The following KCNG3 variants were observed in gnomAD, a reference collection of about 807,000 sequenced individuals.
KCNG3 encodes voltage-gated potassium channel regulatory subunit KCNG3.
Under a neutral mutation model 29.0 loss-of-function variants are expected in KCNG3, and 15 were observed. The ratio of observed to expected loss-of-function variants is 0.52; its 90% CI spans 0.35 to 0.80. KCNG3 has a LOEUF of 0.80. Ranked by LOEUF, KCNG3 falls within the 30% of genes least tolerant of loss-of-function variation. The probability of loss-of-function intolerance (pLI) is 0.01; values close to 1 mark genes in which losing one functional copy is unlikely to be tolerated. For missense variants in KCNG3, 512 were observed against 605.7 expected (o/e 0.85, Z 1.62); for synonymous variants, 322 against 248.9 (o/e 1.29, Z -2.76).
chr2:42,444,897 AC>A lies in KCNG3; in HGVS notation c.666-319del, dbSNP rs554105331. 2.6e-5 allele frequency among the ~76,000 whole-genome samples: 1 copy of A among 38,018 alleles called. No individual in the cohort carries two copies. Among genetic ancestry groups the A allele is most frequent in the African/African-American group, 8.7e-5 (1 of 11,556 alleles). The allele number at this position is 38,018 out of a possible 152,430, so 24.9% of individuals were successfully genotyped here. A position where few individuals can be genotyped will look rare whatever the true frequency, so the allele number is the denominator to read the frequency against. ...GGCACCACAGCAAAACCCCGTCTCCACAAAAAAAAAATACAAAAATCAGCTG... is the reference window on the plus strand; with the variant it reads ...GGCACCACAGCAAAACCCCGTCTCCAAAAAAAAAAATACAAAAATCAGCTG... On this transcript the variant is annotated intron_variant, in intron 1 of 1. Coordinates refer to ENST00000306078, the MANE Select transcript of KCNG3 (RefSeq NM_133329.6). The surrounding 1 kb of genome is among the most constrained non-coding windows in gnomAD (Gnocchi z 5.8).
In KCNG3 at chr2:42,471,537, G is replaced by C. The variant is rs148608968; in HGVS notation, c.665+21300C>G. On this transcript the variant is annotated intron_variant, in intron 1 of 1. Coordinates refer to ENST00000306078, the MANE Select transcript of KCNG3 (RefSeq NM_133329.6). ...TACCTAACAAGTAGGTTTCTTTTTG[G>C]GGTGATGAAAATGTTCTGGAATAGT... 1.3e-4 allele frequency among the ~76,000 whole-genome samples: 20 copies of C among 152,110 alleles called. No homozygotes were observed. The East Asian group carries it at 3.5e-3, about 26-fold the overall frequency.
At chr2:42,465,890 T>A (rs72976290) in intron 1 of KCNG3, among the ~76,000 whole-genome samples, 3,510 of 152,244 alleles carry the variant, frequency 0.023, 124 homozygotes, top group African/African-American at 0.08. Flanking sequence ...AACTCTGTCA[T>A]CAGAGAAATT....
chr2:42,475,584 C>G (rs1002586038), intron 1 of KCNG3, among the ~76,000 whole-genome samples: 1 of 151,484 alleles, frequency 6.6e-6, no homozygotes, highest in East Asian at 1.9e-4. Flanking sequence ...CCCACCTCAG[C>G]CTCCCAAAGT....
intron 1 of KCNG3, 94 bp downstream of exon 1, chr2:42,492,743 G>A (rs1187407142): frequency 1.1e-5 from 13 of 1,211,552 alleles, no homozygotes; most frequent in Non-Finnish European, 1.4e-5. Flanking sequence ...TGGCTCGGTC[G>A]CCCGGAGGCG....
At chr2:42,420,344 A>G in the KCNG3 span, among the ~76,000 whole-genome samples, 2 of 152,246 alleles carry the variant, frequency 1.3e-5, no homozygotes, top group Non-Finnish European at 2.9e-5. Context: ...TTACTTAACT[A>G]CCCTGAGACA....
intron 1 of KCNG3, among the ~76,000 whole-genome samples, chr2:42,482,873 C>T (rs1045942975): frequency 6.6e-6 from 1 of 152,170 alleles, no homozygotes; most frequent in Non-Finnish European, 1.5e-5. Context: ...ATAATCCCAA[C>T]ACTTTGGGAG....
intron 1 of KCNG3, among the ~76,000 whole-genome samples, chr2:42,474,271 T>C (rs1342658500): frequency 1.3e-5 from 2 of 151,940 alleles, no homozygotes; most frequent in African/African-American, 2.4e-5. Flanking sequence ...CTCATACCTG[T>C]AATCCCAGCA....
chr2:42,468,039 T>C (rs1422801645), intron 1 of KCNG3, among the ~76,000 whole-genome samples: 4 of 149,300 alleles, frequency 2.7e-5, no homozygotes, highest in African/African-American at 9.8e-5. Context: ...AGAGAAAAAC[T>C]GTAGGCCAAT....
the KCNG3 span, among the ~76,000 whole-genome samples, chr2:42,421,126 G>A: frequency 6.6e-6 from 1 of 152,158 alleles, no homozygotes; most frequent in African/African-American, 2.4e-5. Context: ...TTGATATACA[G>A]ACATATTCAC....
At chr2:42,392,532 T>C in the KCNG3 span, among the ~76,000 whole-genome samples, 1 of 152,140 alleles carries the variant, frequency 6.6e-6, no homozygotes, top group East Asian at 1.9e-4. Flanking sequence ...GTCCTACTGC[T>C]GGCAGCATAG....
chr2:42,403,092 A>AGTATTTTCTTTCTT, the KCNG3 span, among the ~76,000 whole-genome samples: 2 of 151,908 alleles, frequency 1.3e-5, no homozygotes, highest in Admixed American at 6.6e-5. Context: ...TTTTATTTCT[A>AGTATTTTCTTTCTT]AGTATTTTCT....
At chr2:42,419,454 C>G in the KCNG3 span, among the ~76,000 whole-genome samples, 2 of 151,752 alleles carry the variant, frequency 1.3e-5, no homozygotes, top group African/African-American at 2.4e-5. Flanking sequence ...GTTGGTCAGG[C>G]TGGTCTCGAA....
chr2:42,479,209 G>C (rs963252082), intron 1 of KCNG3, among the ~76,000 whole-genome samples: 1 of 152,074 alleles, frequency 6.6e-6, no homozygotes, highest in African/African-American at 2.4e-5. Context: ...CTCAAGAATA[G>C]CTAAACTTTC....
chr2:42,433,074 C>T, the KCNG3 span, among the ~76,000 whole-genome samples: 1 of 151,960 alleles, frequency 6.6e-6, no homozygotes, highest in African/African-American at 2.4e-5. Context: ...TGCAATTTTT[C>T]CCCCAAGATC....
chr2:42,483,129 A>G (rs1453615157), intron 1 of KCNG3, among the ~76,000 whole-genome samples: 5 of 152,190 alleles, frequency 3.3e-5, no homozygotes, highest in Non-Finnish European at 2.9e-5. Flanking sequence ...TCAAAAAAAT[A>G]AAAATAAAAA....
chr2:42,479,396 C>A (rs1387252434), intron 1 of KCNG3, among the ~76,000 whole-genome samples: 1 of 152,144 alleles, frequency 6.6e-6, no homozygotes, highest in African/African-American at 2.4e-5. Flanking sequence ...ATAATCCCAA[C>A]ACTTTGGGAG....
chr2:42,456,234 T>C (rs1345996086), intron 1 of KCNG3, among the ~76,000 whole-genome samples: 2 of 152,074 alleles, frequency 1.3e-5, no homozygotes, highest in Admixed American at 1.3e-4. Flanking sequence ...TCTCCAAAAA[T>C]AATATGGCTA....
chr2:42,401,675 C>T, the KCNG3 span, among the ~76,000 whole-genome samples: 2 of 152,144 alleles, frequency 1.3e-5, no homozygotes, highest in African/African-American at 2.4e-5. Flanking sequence ...AAGTCCTGGG[C>T]TCAAACAATC....
rs963460849 is a variant in KCNG3, at chr2:42,493,865, T to G, written c.-364A>C. ...CTCCCAAGCCGCGGGGCCGACCCCC[T>G]GAGGGCTGCGGGCGCCGAATGGAGC... On this transcript the variant is annotated 5_prime_UTR_variant, in exon 1 of 2. Transcript: ENST00000306078. 9 of 183,490 alleles carry G rather than the reference T, an allele frequency of 4.9e-5. 1 individual carries two copies. The Admixed American group carries it at 5.6e-4, about 11-fold the overall frequency. 11.4% of individuals were successfully genotyped at this position (183,490 alleles called of 1,614,324 possible).
Sources: allele counts gnomAD v4.1 joint callset (sites outside exome capture counted in the v4.1 genomes callset), GRCh38; gene constraint gnomAD v4.1.1; non-coding constraint Gnocchi (gnomAD v3.1); transcripts MANE v1.5; gene names NCBI Gene and HGNC (gene_info 2026-07-23, HGNC 2026-07-21).